SCOC: variants seen among roughly 807,000 people sequenced by gnomAD.
SCOC encodes the protein short coiled coil protein.
In SCOC, 7 loss-of-function variants were observed where a neutral mutation model predicts 9.9. The ratio of observed to expected loss-of-function variants is 0.71; its 90% CI spans 0.40 to 1.33. The LOEUF is 1.33. Among genes scored for constraint, SCOC ranks in the 40% most tolerant of loss-of-function variants. The pLI is 0.01. For synonymous variants in SCOC, 19 were observed against 28.2 expected, an observed-to-expected ratio of 0.67 and a Z score of 1.03; for missense variants, 66 against 89.7, an observed-to-expected ratio of 0.74 and a Z score of 1.07.
intron 1 of SCOC, among the ~76,000 whole-genome samples, chr4:140,298,776 A>G (rs1034458921): frequency 3.9e-5 from 6 of 152,226 alleles, no homozygotes; most frequent in Admixed American, 2.0e-4. Context: ...TAAAAGGTGG[A>G]CAAGAACTGA....
intron 1 of SCOC, among the ~76,000 whole-genome samples, chr4:140,319,167 C>T (rs539897081): frequency 6.6e-6 from 1 of 152,170 alleles, no homozygotes; most frequent in African/African-American, 2.4e-5. Context: ...CCTTGGCTCA[C>T]TGCAACCTCT....
intron 2 of SCOC, among the ~76,000 whole-genome samples, chr4:140,367,747 C>G (rs866634840): frequency 6.6e-6 from 1 of 152,054 alleles, no homozygotes; most frequent in East Asian, 1.9e-4. Context: ...AATGTAGATT[C>G]GTGTTTAGAG....
chr4:140,287,469 CAT>C (rs766075896), intron 1 of SCOC, among the ~76,000 whole-genome samples: 3 of 151,248 alleles, frequency 2.0e-5, no homozygotes, highest in Non-Finnish European at 4.4e-5. Flanking sequence ...GCTACACACA[CAT>C]CATGTGCACA....
At chr4:140,264,090 C>A (rs1243242985) in intron 1 of SCOC, among the ~76,000 whole-genome samples, 1 of 152,070 alleles carries the variant, frequency 6.6e-6, no homozygotes, top group Non-Finnish European at 1.5e-5. Context: ...GCCTTGAACT[C>A]CTGGGCTCAG....
rs778453777 is a variant in SCOC at position 140,384,789 on chromosome 4, T to C, written c.*3685T>C. The C allele has an allele frequency of 6.6e-6, 1 of 152,210 alleles. No individual in the cohort carries two copies. Among genetic ancestry groups the C allele is most frequent in the Non-Finnish European group, 1.5e-5 (1 of 68,034 alleles). 9.4% of individuals were successfully genotyped at this position (152,210 alleles called of 1,614,324 possible). ...AATCAGCATACTCCTTGTTATGGAC[T>C]GAATGTGTCCTCCCAAAATTCTTAG... On this transcript the variant is annotated 3_prime_UTR_variant, in exon 4 of 4. Coordinates refer to ENST00000608372, the MANE Select transcript of SCOC (RefSeq NM_001153484.2).
intron 1 of SCOC, among the ~76,000 whole-genome samples, chr4:140,319,861 T>C (rs1424972492): frequency 6.6e-6 from 1 of 152,134 alleles, no homozygotes; most frequent in Non-Finnish European, 1.5e-5. Context: ...GACAAGGGCC[T>C]GCAGGGAGAA....
At chr4:140,340,725 C>T (rs375390486), upstream of SCOC, among the ~76,000 whole-genome samples, 11 of 148,316 alleles carry the variant, frequency 7.4e-5, 1 homozygote, top group South Asian at 2.1e-3. Context: ...AAAAGTGAGC[C>T]TCTTTTCCAT....
At chr4:140,299,747 G>C (rs888733880) in intron 1 of SCOC, among the ~76,000 whole-genome samples, 5 of 152,140 alleles carry the variant, frequency 3.3e-5, no homozygotes, top group Non-Finnish European at 4.4e-5. Context: ...ACACAATTTG[G>C]GGACTAATGT....
intron 1 of SCOC, among the ~76,000 whole-genome samples, chr4:140,271,931 C>A (rs1445776902): frequency 6.6e-6 from 1 of 152,086 alleles, no homozygotes; most frequent in South Asian, 2.1e-4. Context: ...AATGAACGGG[C>A]GCCTGTCTGT....
chr4:140,374,087 T>C (rs1177507974), intron 1 of SCOC: 8 of 478,962 alleles, frequency 1.7e-5, no homozygotes, highest in Non-Finnish European at 2.9e-5. Context: ...GAATGGGACC[T>C]GGCACGCCTG....
chr4:140,371,039 C>A (rs1578875815), upstream of SCOC, among the ~76,000 whole-genome samples: 2 of 152,064 alleles, frequency 1.3e-5, no homozygotes, highest in Non-Finnish European at 2.9e-5. Context: ...GCGCCCGCCA[C>A]CACGCCCAGC....
chr4:140,343,565 G>A, intron 1 of SCOC: 1 of 1,089,426 alleles, frequency 9.2e-7, no homozygotes, highest in Non-Finnish European at 1.4e-6. Context: ...ATTTAACAAG[G>A]GCGGTCACAT....
At chr4:140,318,673 G>A (rs550804474) in intron 1 of SCOC, among the ~76,000 whole-genome samples, 27 of 135,832 alleles carry the variant, frequency 2.0e-4, no homozygotes, top group Non-Finnish European at 3.9e-4. Flanking sequence ...TCAGTGTGGC[G>A]ATTCCTCAGG....
chr4:140,366,151 T>C, intron 2 of SCOC: 1 of 489,684 alleles, frequency 2.0e-6, no homozygotes, highest in Non-Finnish European at 3.4e-6. Context: ...AGAGCCTTGC[T>C]TGCAATCTTG....
Position 140,381,506 on chromosome 4 carries a change from T to G in SCOC, c.*402T>G, listed in dbSNP as rs1560733839. The G allele has an allele frequency of 1.3e-5, 2 of 152,966 alleles. No individual in the cohort carries two copies. Among genetic ancestry groups the G allele is most frequent in the East Asian group, 3.8e-4 (2 of 5,204 alleles). The allele number at this position is 152,966 out of a possible 1,614,324, so 9.5% of individuals were successfully genotyped here. A position where few individuals can be genotyped will look rare whatever the true frequency, so the allele number is the denominator to read the frequency against. ...TGTACCCTGTCCACCATCTTGTGCCTCTTCTCCATTTGCCTCTTCCTTCCT... is the reference window on the plus strand; with the variant it reads ...TGTACCCTGTCCACCATCTTGTGCCGCTTCTCCATTTGCCTCTTCCTTCCT... On this transcript the variant is annotated 3_prime_UTR_variant, in exon 4 of 4. Coordinates refer to ENST00000608372, the MANE Select transcript of SCOC (RefSeq NM_001153484.2).
At position 140,383,785 on chromosome 4, in the gene SCOC, T is replaced by G. The variant is rs963739985; in HGVS notation, c.*2681T>G. On this transcript the variant is annotated 3_prime_UTR_variant, in exon 4 of 4. Transcript: ENST00000608372. ...ACGATTCTCTCAAAAACTCAAGCCT[T>G]TTTATCAGTGTGCTTCTGATTGCAT... is the stretch of plus-strand genomic sequence containing the variant. 1 of 152,198 alleles carries G rather than the reference T, an allele frequency of 6.6e-6. No homozygotes were observed. Among genetic ancestry groups the G allele is most frequent in the Admixed American group, 6.5e-5 (1 of 15,272 alleles). The allele number at this position is 152,198 out of a possible 1,614,324, so 9.4% of individuals were successfully genotyped here.
intron 1 of SCOC, among the ~76,000 whole-genome samples, chr4:140,263,715 C>G (rs1404650589): frequency 1.3e-5 from 2 of 152,102 alleles, no homozygotes; most frequent in African/African-American, 2.4e-5. Context: ...GTTATCATAT[C>G]ACCCCGAATG....
chr4:140,348,580 A>G (rs1726844039), intron 2 of SCOC, among the ~76,000 whole-genome samples: 2 of 152,062 alleles, frequency 1.3e-5, no homozygotes, highest in African/African-American at 4.8e-5. Context: ...ATATATACGC[A>G]CACACACACA....
chr4:140,339,569 T>A (rs1726418745), upstream of SCOC, among the ~76,000 whole-genome samples: 1 of 152,034 alleles, frequency 6.6e-6, no homozygotes, highest in Admixed American at 6.5e-5. Context: ...AGGGCTAATA[T>A]CCAGAATCTA....
Sources: allele counts gnomAD v4.1 joint callset (sites outside exome capture counted in the v4.1 genomes callset), GRCh38; gene constraint gnomAD v4.1.1; transcripts MANE v1.5; gene names NCBI Gene and HGNC (gene_info 2026-07-23, HGNC 2026-07-21).